The following ERBB4 variants were observed in gnomAD, a reference collection of about 807,000 sequenced individuals.
The protein encoded by ERBB4 is receptor tyrosine-protein kinase erbB-4.
In ERBB4, 42 loss-of-function variants were observed where a neutral mutation model predicts 158.0. That is an observed-to-expected ratio of 0.27 (90% CI 0.21 to 0.34). ERBB4 has a LOEUF of 0.34. Ranked by LOEUF, ERBB4 falls within the 10% of genes least tolerant of loss-of-function variation. The pLI is 1.00. For missense variants in ERBB4, 1,333 were observed against 1,624.1 expected, an observed-to-expected ratio of 0.82 and a Z score of 3.08; for synonymous variants, 583 against 558.7, an observed-to-expected ratio of 1.04 and a Z score of -0.61.
chr2:212,420,863 C>G (rs2091776094), intron 1 of ERBB4, among the ~76,000 whole-genome samples: 1 of 152,106 alleles, frequency 6.6e-6, no homozygotes, highest in Non-Finnish European at 1.5e-5. Flanking sequence ...GCACACATCA[C>G]AGTGCTTGGG....
In ERBB4 at chr2:211,712,047, G is replaced by T; in HGVS notation, c.1124+3C>A. On this transcript the variant is annotated splice_donor_region_variant and intron_variant, in intron 9 of 27. Coordinates refer to ENST00000342788, the MANE Select transcript of ERBB4 (RefSeq NM_005235.3). ...ATAACTTGCACAAAAATTTAATACT[G>T]ACCCATGAATACCAGTGACTAGAAA... The T allele has an allele frequency of 1.2e-6, 2 of 1,610,350 alleles. No individual in the cohort carries two copies. The highest frequency in any genetic ancestry group is 2.2e-5 in the South Asian group (2 of 90,942).
At chr2:212,522,821 A>G (rs1471466487) in intron 1 of ERBB4, among the ~76,000 whole-genome samples, 1 of 151,988 alleles carries the variant, frequency 6.6e-6, no homozygotes, top group East Asian at 1.9e-4. Context: ...TTTATCTATG[A>G]CAGAGGATTA....
At chr2:211,801,849 A>G (rs1282432974) in intron 3 of ERBB4, among the ~76,000 whole-genome samples, 1 of 152,212 alleles carries the variant, frequency 6.6e-6, no homozygotes, top group Non-Finnish European at 1.5e-5. Flanking sequence ...TTATATAGTT[A>G]TATCATATTT....
intron 1 of ERBB4, among the ~76,000 whole-genome samples, chr2:212,253,939 T>C (rs1327854444): frequency 1.3e-5 from 2 of 152,116 alleles, no homozygotes; most frequent in Non-Finnish European, 2.9e-5. Context: ...CTGTACTGAA[T>C]ACTGTAGGCA....
At chr2:212,123,504 A>T (rs549829939) in intron 2 of ERBB4, among the ~76,000 whole-genome samples, 1 of 152,350 alleles carries the variant, frequency 6.6e-6, no homozygotes, top group Non-Finnish European at 1.5e-5. Flanking sequence ...TTTTATAAAC[A>T]AAGACATCAA....
chr2:212,527,382 A>T (rs900595767), intron 1 of ERBB4, among the ~76,000 whole-genome samples: 1 of 152,162 alleles, frequency 6.6e-6, no homozygotes, highest in Admixed American at 6.6e-5. Flanking sequence ...GCACCAACTT[A>T]ATAATTTTCT....
At chr2:212,117,582 G>A (rs956689358) in intron 2 of ERBB4, among the ~76,000 whole-genome samples, 1 of 152,078 alleles carries the variant, frequency 6.6e-6, no homozygotes, top group Non-Finnish European at 1.5e-5. Flanking sequence ...ATCTTACAAA[G>A]TTTATCAGGA....
chr2:212,220,630 T>A (rs2083262778), intron 1 of ERBB4, among the ~76,000 whole-genome samples: 1 of 151,434 alleles, frequency 6.6e-6, no homozygotes, highest in African/African-American at 2.4e-5. Context: ...ATGTTAACAA[T>A]GACCAACCAT....
chr2:212,480,798 G>C (rs915226333), intron 1 of ERBB4, among the ~76,000 whole-genome samples: 1 of 152,164 alleles, frequency 6.6e-6, no homozygotes, highest in Non-Finnish European at 1.5e-5. Context: ...TTATTTGAAG[G>C]CTTTTAAAAG....
intron 3 of ERBB4, among the ~76,000 whole-genome samples, chr2:211,910,299 T>A (rs1379889089): frequency 2.0e-5 from 3 of 151,260 alleles, no homozygotes; most frequent in African/African-American, 7.3e-5. Flanking sequence ...TTAAAATAGT[T>A]TTATCTTTCT....
At chr2:211,497,162 AATT>A (rs2065489721) in intron 20 of ERBB4, among the ~76,000 whole-genome samples, 2 of 152,224 alleles carry the variant, frequency 1.3e-5, no homozygotes, top group South Asian at 2.1e-4. Context: ...GCAAAATCTA[AATT>A]ATAATTAAAT....
chr2:211,439,279 G>T (rs1369686178), intron 20 of ERBB4, among the ~76,000 whole-genome samples: 3 of 152,150 alleles, frequency 2.0e-5, no homozygotes, highest in African/African-American at 7.2e-5. Context: ...AGTTACTGAT[G>T]CCAGGCAAAT....
chr2:212,190,702 G>A (rs969723398), intron 1 of ERBB4, among the ~76,000 whole-genome samples: 1 of 152,122 alleles, frequency 6.6e-6, no homozygotes, highest in South Asian at 2.1e-4. Flanking sequence ...ATAGACCTGA[G>A]AGAAGAAACC....
chr2:211,400,387 G>A (rs1256111529), intron 25 of ERBB4, among the ~76,000 whole-genome samples: 1 of 152,078 alleles, frequency 6.6e-6, no homozygotes, highest in Non-Finnish European at 1.5e-5. Flanking sequence ...ACTAAATGCT[G>A]CCTTCCAAAT....
At chr2:212,133,208 C>A in intron 1 of ERBB4, among the ~76,000 whole-genome samples, 1 of 151,988 alleles carries the variant, frequency 6.6e-6, no homozygotes, top group Non-Finnish European at 1.5e-5. Context: ...ATGTCACTCC[C>A]CTACTGAGAA....
intron 1 of ERBB4, among the ~76,000 whole-genome samples, chr2:212,504,210 A>C (rs542300732): frequency 9.8e-4 from 149 of 152,316 alleles, no homozygotes; most frequent in African/African-American, 3.5e-3. Flanking sequence ...GGTGGTATAC[A>C]TAAGCCATAG....
intron 9 of ERBB4, among the ~76,000 whole-genome samples, chr2:211,709,252 CACATAT>C (rs1331900971): frequency 4.3e-5 from 3 of 70,308 alleles, no homozygotes; most frequent in African/African-American, 1.2e-4. Flanking sequence ...TATATATATA[CACATAT>C]ATATATATAT....
rs75370751 is a variant in ERBB4 at position 212,314,344 on chromosome 2, T to A, written c.83-189441A>T. Reference sequence around the variant, plus strand: ...TTTTTCTGAACACATTCCCAAGAACTGATGATTCAAACTATCACCTCTGGT... The same window carrying A: ...TTTTTCTGAACACATTCCCAAGAACAGATGATTCAAACTATCACCTCTGGT... On this transcript the variant is annotated intron_variant, in intron 1 of 27. Transcript: ENST00000342788. 7.5e-3 allele frequency among the ~76,000 whole-genome samples: 1,132 copies of A among 150,924 alleles called. 9 individuals are homozygous for A. The highest frequency in any genetic ancestry group is 0.026 in the African/African-American group (1,075 of 41,290).
At chr2:211,826,600 G>C (rs1371201) in intron 3 of ERBB4, among the ~76,000 whole-genome samples, 35,096 of 151,620 alleles carry the variant, frequency 0.23, 4,196 homozygotes, top group South Asian at 0.33. Flanking sequence ...CAAGGACCTA[G>C]AACAGTGTCT....
Sources: gnomAD v4.1 joint callset for allele counts (sites outside exome capture counted in the v4.1 genomes callset) on GRCh38, gnomAD v4.1.1 for gene constraint, MANE v1.5 for transcripts, NCBI Gene and HGNC (gene_info 2026-07-23, HGNC 2026-07-21) for gene names.